Variants in PLXDC2 observed in about 807,000 individuals in gnomAD.
PLXDC2 encodes plexin domain containing 2.
Under a neutral mutation model 68.9 loss-of-function variants are expected in PLXDC2, and 40 were observed. The ratio of observed to expected loss-of-function variants is 0.58; its 90% CI spans 0.45 to 0.76. The LOEUF (loss-of-function observed/expected upper bound fraction) is 0.76. PLXDC2 is among the 30% of genes least tolerant of loss of function. PLXDC2 has a pLI of 0.00. For missense variants in PLXDC2, 644 were observed against 661.9 expected (o/e 0.97, Z 0.30); for synonymous variants, 243 against 234.2 (o/e 1.04, Z -0.34).
intron 1 of PLXDC2, 116 bp from the exon 2 acceptor site, chr10:20,001,659 A>G (rs555137364): frequency 8.3e-6 from 7 of 841,272 alleles, no homozygotes; most frequent in Non-Finnish European, 1.3e-5. Flanking sequence ...TAACTGTTAC[A>G]AGTTAGTTTC....
At chr10:19,838,883 C>T (rs1836849498) in intron 1 of PLXDC2, among the ~76,000 whole-genome samples, 1 of 152,096 alleles carries the variant, frequency 6.6e-6, no homozygotes, top group African/African-American at 2.4e-5. Context: ...TTATAAGCAT[C>T]GCTTAAGATT....
chr10:20,126,296 C>CATATATACACATACGTTATATA (rs1452021826), intron 4 of PLXDC2, among the ~76,000 whole-genome samples: 1 of 114,028 alleles, frequency 8.8e-6, no homozygotes, highest in East Asian at 3.1e-4. Flanking sequence ...TTATATAATA[C>CATATATACACATACGTTATATA]ATATATACAC....
At chr10:20,076,200 A>G (rs1465628761) in intron 4 of PLXDC2, among the ~76,000 whole-genome samples, 1 of 152,222 alleles carries the variant, frequency 6.6e-6, no homozygotes, top group African/African-American at 2.4e-5. Flanking sequence ...ATAGTGCAGG[A>G]CTGACATTAG....
chr10:20,020,739 A>AGTT lies in PLXDC2; in HGVS notation c.324+18755_324+18757dup, dbSNP rs1168384107. Among the ~76,000 whole-genome samples the AGTT allele has an allele frequency of 3.3e-5, 5 of 152,324 alleles. No individual in the cohort carries two copies. In the East Asian group the frequency reaches 9.6e-4, roughly 29 times the overall value. Reference sequence around the variant, plus strand: ...TGCATATGTCAACAGAACTACTCACAGTTGCATATATTATTCAATAAACAT... The same window carrying AGTT: ...TGCATATGTCAACAGAACTACTCACAGTTGTTGCATATATTATTCAATAAACAT... On this transcript the variant is annotated intron_variant, in intron 2 of 13. Transcript: ENST00000377252.
intron 3 of PLXDC2, among the ~76,000 whole-genome samples, chr10:20,064,882 T>C (rs1017038811): frequency 8.0e-6 from 1 of 125,480 alleles, no homozygotes; most frequent in Non-Finnish European, 1.6e-5. Flanking sequence ...TGCTTTGTTT[T>C]GTTTTTGTTT....
At chr10:19,999,022 C>G (rs991569278) in intron 1 of PLXDC2, among the ~76,000 whole-genome samples, 4 of 152,126 alleles carry the variant, frequency 2.6e-5, no homozygotes, top group African/African-American at 9.7e-5. Context: ...GAGACTTCAT[C>G]GTTTCTAAGT....
chr10:20,095,485 G>A (rs1833338369), intron 4 of PLXDC2, among the ~76,000 whole-genome samples: 1 of 152,102 alleles, frequency 6.6e-6, no homozygotes, highest in African/African-American at 2.4e-5. Flanking sequence ...GAAAAAATAT[G>A]GAATAGCCTG....
At chr10:20,083,421 G>A (rs1174893648) in intron 4 of PLXDC2, among the ~76,000 whole-genome samples, 1 of 149,720 alleles carries the variant, frequency 6.7e-6, no homozygotes, top group Non-Finnish European at 1.5e-5. Context: ...AGCTTGCAGT[G>A]AGCCGAGATC....
intron 2 of PLXDC2, among the ~76,000 whole-genome samples, chr10:20,044,214 T>TC (rs1161290042): frequency 3.1e-4 from 2 of 6,468 alleles, no homozygotes; most frequent in South Asian, 3.9e-3. Context: ...TCTCTCTGTC[T>TC]TTCTTTCTTT....
intron 1 of PLXDC2, among the ~76,000 whole-genome samples, chr10:19,867,579 G>A (rs1350591026): frequency 1.3e-5 from 2 of 152,090 alleles, no homozygotes; most frequent in East Asian, 1.9e-4. Flanking sequence ...GACTCCTCAA[G>A]GCTAACTAAG....
intron 7 of PLXDC2, 34 bp downstream of exon 7, chr10:20,164,601 C>T (rs368340122): frequency 1.3e-6 from 2 of 1,504,598 alleles, no homozygotes; most frequent in East Asian, 2.3e-5. Flanking sequence ...AATGAGTGAG[C>T]CTCTGTGGGG....
At chr10:20,029,718 C>T (rs996677502) in intron 2 of PLXDC2, among the ~76,000 whole-genome samples, 4 of 152,118 alleles carry the variant, frequency 2.6e-5, no homozygotes, top group Non-Finnish European at 4.4e-5. Context: ...AATATTTCTG[C>T]AAAATCAGCA....
chr10:20,100,467 G>A (rs1460630137), intron 4 of PLXDC2, among the ~76,000 whole-genome samples: 1 of 152,166 alleles, frequency 6.6e-6, no homozygotes, highest in Non-Finnish European at 1.5e-5. Context: ...AAGGGAAAGG[G>A]TGGAAGTACA....
chr10:19,931,386 T>C (rs17686154), intron 1 of PLXDC2, among the ~76,000 whole-genome samples: 8,632 of 152,276 alleles, frequency 0.057, 306 homozygotes, highest in Middle Eastern at 0.13. Context: ...TCCTTAAGCT[T>C]CAGCCCAACA....
chr10:20,119,562 A>G (rs893833496), intron 4 of PLXDC2, among the ~76,000 whole-genome samples: 5 of 146,172 alleles, frequency 3.4e-5, no homozygotes, highest in Non-Finnish European at 7.6e-5. Context: ...CGTGCAGGTC[A>G]CAGGGAATAT....
chr10:20,139,524 A>G (rs935570387), intron 4 of PLXDC2, among the ~76,000 whole-genome samples: 1 of 152,238 alleles, frequency 6.6e-6, no homozygotes, highest in Non-Finnish European at 1.5e-5. Flanking sequence ...GAAGGATTAT[A>G]AATCATTCTA....
At chr10:20,243,283 T>C (rs1417359271) in intron 12 of PLXDC2, among the ~76,000 whole-genome samples, 1 of 152,176 alleles carries the variant, frequency 6.6e-6, no homozygotes, top group Non-Finnish European at 1.5e-5. Context: ...TTTCCTTACC[T>C]ATAAAACAGA....
At chr10:20,238,677 G>GTGTA (rs1554777563) in intron 12 of PLXDC2, among the ~76,000 whole-genome samples, 2 of 76,884 alleles carry the variant, frequency 2.6e-5, no homozygotes, top group Admixed American at 1.4e-4. Flanking sequence ...ATATATATAT[G>GTGTA]TATATATATA....
intron 13 of PLXDC2, among the ~76,000 whole-genome samples, chr10:20,262,342 T>C (rs1202606081): frequency 6.6e-6 from 1 of 152,230 alleles, no homozygotes; most frequent in East Asian, 1.9e-4. Context: ...TTTTTGCTTT[T>C]GTTATCTGAA....
Sources: allele counts gnomAD v4.1 joint callset (sites outside exome capture counted in the v4.1 genomes callset), GRCh38; gene constraint gnomAD v4.1.1; transcripts MANE v1.5; gene names NCBI Gene and HGNC (gene_info 2026-07-23, HGNC 2026-07-21).